The following FBXL7 variants were observed in gnomAD, a reference collection of about 807,000 sequenced individuals.
FBXL7 encodes the protein F-box and leucine rich repeat protein 7.
A neutral mutation model predicts 38.3 loss-of-function variants in FBXL7; 12 were observed. The ratio of observed to expected loss-of-function variants is 0.31; its 90% CI spans 0.20 to 0.51. The LOEUF (loss-of-function observed/expected upper bound fraction) is 0.51, where lower values mean the gene tolerates loss of function less well. FBXL7 is among the 20% of genes least tolerant of loss of function. The probability of loss-of-function intolerance (pLI) is 0.98; values close to 1 mark genes in which losing one functional copy is unlikely to be tolerated. For synonymous variants in FBXL7, 297 were observed against 300.9 expected (o/e 0.99, Z 0.13); for missense variants, 567 against 676.4 (o/e 0.84, Z 1.79).
intron 1 of FBXL7, among the ~76,000 whole-genome samples, chr5:15,506,372 C>T (rs535302075): frequency 4.6e-5 from 7 of 151,884 alleles, no homozygotes; most frequent in East Asian, 3.9e-4. Context: ...GATTTTATCA[C>T]GCTACTTGGA....
Position 15,803,695 on chromosome 5 carries a change from C to T in FBXL7, c.128-124195C>T, listed in dbSNP as rs553814713. Reference sequence around the variant, plus strand: ...ACCTACCTAGCCTTTTCTCCAAAGGCTTGATTATTTTCTTTGGAAATAATT... The same window carrying T: ...ACCTACCTAGCCTTTTCTCCAAAGGTTTGATTATTTTCTTTGGAAATAATT... On this transcript the variant is annotated intron_variant, in intron 2 of 3. Transcript: ENST00000504595. Among the ~76,000 whole-genome samples the T allele has an allele frequency of 4.2e-4, 64 of 152,188 alleles. No individual in the cohort carries two copies. The South Asian group carries it at 0.012, about 29-fold the overall frequency.
intron 2 of FBXL7, among the ~76,000 whole-genome samples, chr5:15,697,817 A>G (rs1743386590): frequency 6.6e-6 from 1 of 152,204 alleles, no homozygotes; most frequent in African/African-American, 2.4e-5. Flanking sequence ...ACTGACTTTC[A>G]ACTTTAATGC....
intron 2 of FBXL7, among the ~76,000 whole-genome samples, chr5:15,806,795 G>A (rs143613921): frequency 2.0e-5 from 3 of 152,110 alleles, no homozygotes; most frequent in Non-Finnish European, 4.4e-5. Flanking sequence ...TAAGGAATGC[G>A]GCAGAAGCAG....
chr5:15,639,609 C>T (rs905076282), intron 2 of FBXL7, among the ~76,000 whole-genome samples: 1 of 151,896 alleles, frequency 6.6e-6, no homozygotes, highest in Non-Finnish European at 1.5e-5. Context: ...TCTTTATTAG[C>T]AGTGTGAAAA....
intron 2 of FBXL7, among the ~76,000 whole-genome samples, chr5:15,706,111 C>A (rs10520821): frequency 6.6e-6 from 1 of 151,960 alleles, no homozygotes; most frequent in Non-Finnish European, 1.5e-5. Flanking sequence ...TTTTAATCAA[C>A]GGGTATGATA....
chr5:15,724,266 T>G (rs1445837537), intron 2 of FBXL7, among the ~76,000 whole-genome samples: 1 of 152,184 alleles, frequency 6.6e-6, no homozygotes, highest in Admixed American at 6.5e-5. Flanking sequence ...AAAAAAATGT[T>G]TATTTCAAAA....
chr5:15,872,747 T>C (rs1437064348), intron 2 of FBXL7, among the ~76,000 whole-genome samples: 1 of 152,054 alleles, frequency 6.6e-6, no homozygotes, highest in African/African-American at 2.4e-5. Context: ...CTAAATATAT[T>C]TGCACCCAAT....
chr5:15,714,706 G>A (rs912283117), intron 2 of FBXL7, among the ~76,000 whole-genome samples: 24 of 152,132 alleles, frequency 1.6e-4, no homozygotes, highest in African/African-American at 5.5e-4. Flanking sequence ...AAAATTAGCT[G>A]GGAATGGTGG....
chr5:15,862,003 A>G (rs947675444), intron 2 of FBXL7, among the ~76,000 whole-genome samples: 7 of 152,212 alleles, frequency 4.6e-5, no homozygotes, highest in Non-Finnish European at 7.3e-5. Flanking sequence ...ATAAGGTGAC[A>G]TGGAAAATTA....
At chr5:15,824,550 A>G (rs1738259671) in intron 2 of FBXL7, among the ~76,000 whole-genome samples, 2 of 152,064 alleles carry the variant, frequency 1.3e-5, no homozygotes, top group Non-Finnish European at 2.9e-5. Flanking sequence ...TAATTAAAAT[A>G]GAAAAAAAAA....
chr5:15,544,288 G>A (rs183685415), intron 1 of FBXL7, among the ~76,000 whole-genome samples: 62 of 152,264 alleles, frequency 4.1e-4, no homozygotes, highest in Admixed American at 9.2e-4. Context: ...GGGCTCACCC[G>A]TCCTGCATCA....
intron 2 of FBXL7, among the ~76,000 whole-genome samples, chr5:15,734,193 A>G (rs915974615): frequency 1.3e-5 from 2 of 151,198 alleles, no homozygotes; most frequent in Admixed American, 6.6e-5. Flanking sequence ...AGCTGCGCTG[A>G]GCACACAGCT....
At chr5:15,503,611 G>A (rs1736561558) in intron 1 of FBXL7, among the ~76,000 whole-genome samples, 3 of 151,946 alleles carry the variant, frequency 2.0e-5, no homozygotes, top group African/African-American at 7.3e-5. Flanking sequence ...TCCTTTTTTT[G>A]TCTCTAAATC....
chr5:15,710,889 C>G (rs532926887), intron 2 of FBXL7, among the ~76,000 whole-genome samples: 2 of 152,220 alleles, frequency 1.3e-5, no homozygotes, highest in South Asian at 4.1e-4. Flanking sequence ...GGCTGTGTCC[C>G]CACCCAAATC....
intron 2 of FBXL7, among the ~76,000 whole-genome samples, chr5:15,673,782 T>TTA (rs1561079785): frequency 1.1e-4 from 16 of 152,032 alleles, no homozygotes; most frequent in African/African-American, 3.9e-4. Flanking sequence ...TATTATTATT[T>TTA]TTTTTTTTAG....
chr5:15,915,282 C>A (rs1253251940), intron 2 of FBXL7, among the ~76,000 whole-genome samples: 2 of 152,226 alleles, frequency 1.3e-5, no homozygotes, highest in African/African-American at 4.8e-5. Flanking sequence ...AGGTGGCATA[C>A]AGCAACAGAA....
At chr5:15,905,292 G>T (rs1211862955) in intron 2 of FBXL7, among the ~76,000 whole-genome samples, 1 of 152,156 alleles carries the variant, frequency 6.6e-6, no homozygotes, top group African/African-American at 2.4e-5. Context: ...TAAAATTAAG[G>T]TGTTGTTTTC....
chr5:15,915,384 C>T (rs149849076), intron 2 of FBXL7, among the ~76,000 whole-genome samples: 223 of 152,332 alleles, frequency 1.5e-3, no homozygotes, highest in African/African-American at 4.7e-3. Context: ...CTTGCAGCTC[C>T]TGGAAGCCCC....
At chr5:15,817,935 A>G (rs1738064171) in intron 2 of FBXL7, among the ~76,000 whole-genome samples, 1 of 152,190 alleles carries the variant, frequency 6.6e-6, no homozygotes, top group South Asian at 2.1e-4. Flanking sequence ...GAGCAATTCC[A>G]TACAAGATAG....
Sources: gnomAD v4.1 joint callset for allele counts (sites outside exome capture counted in the v4.1 genomes callset) on GRCh38, gnomAD v4.1.1 for gene constraint, MANE v1.5 for transcripts, NCBI Gene and HGNC (gene_info 2026-07-23, HGNC 2026-07-21) for gene names.